Variants in TMC5 observed in about 807,000 individuals in gnomAD.
TMC5 encodes transmembrane channel like 5.
In TMC5, 86 loss-of-function variants were observed where a neutral mutation model predicts 110.5. That is an observed-to-expected ratio of 0.78 (90% confidence interval 0.65 to 0.93). TMC5 has a LOEUF of 0.93. TMC5 is among the 40% of genes least tolerant of loss of function. The probability of loss-of-function intolerance (pLI) is 0.00; values close to 1 mark genes in which losing one functional copy is unlikely to be tolerated. For missense variants in TMC5, 1,144 were observed against 1,222.8 expected (o/e 0.94, Z 0.96); for synonymous variants, 455 against 439.5 (o/e 1.04, Z -0.44).
intron 14 of TMC5, among the ~76,000 whole-genome samples, chr16:19,480,640 A>C (rs11864289): frequency 0.15 from 22,817 of 151,896 alleles, 2,477 homozygotes; most frequent in East Asian, 0.37. Context: ...CCCTGTCTCT[A>C]CTAAAAATAC....
chr16:19,418,423 A>C (rs1966904759), intron 1 of TMC5, among the ~76,000 whole-genome samples: 1 of 152,148 alleles, frequency 6.6e-6, no homozygotes, highest in Admixed American at 6.5e-5. Context: ...GTAGTATGCC[A>C]AAAGCTCCCA....
Position 19,492,200 on chromosome 16 carries a change from T to A in TMC5, c.2798T>A (p.Ile933Lys), listed in dbSNP as rs376968471. ...WQITEGRKIM[I>K]RLLHEQIINE... ...ATCACAGAGGGAAGGAAGATTATGA[T>A]AAGGCTGCTCCATGAGCAGATCATT... The change falls in exon 19 of 22, where the codon ATA (isoleucine) becomes AAA (lysine). Residue 933 changes from isoleucine to lysine, a missense_variant. Ile to Lys is a moderately radical substitution (Grantham distance 102). Transcript: ENST00000542583. The A allele has an allele frequency of 6.2e-6, 10 of 1,613,668 alleles. No homozygotes were observed. The African/African-American group carries it at 1.1e-4, about 17-fold the overall frequency.
rs2143364366 is a variant in TMC5, at chr16:19,422,904, A to G, written c.-308+4812A>G. Among the ~76,000 whole-genome samples, 2 of 152,158 alleles carry G rather than the reference A, an allele frequency of 1.3e-5. 1 individual carries two copies. The highest frequency in any genetic ancestry group is 4.2e-4 in the South Asian group (2 of 4,804). On this transcript the variant is annotated intron_variant, in intron 1 of 21. Transcript: ENST00000542583. The stretch of plus-strand genomic sequence containing the variant: ...TGGAGGTTGCAGTGAGCTGAGATTG[A>G]GCCATTGCACTCCAGCCTGGGCCAC...
In TMC5 at chr16:19,463,930, T is replaced by G. The variant is rs759913307; in HGVS notation, c.1391T>G (p.Phe464Cys). The G allele has an allele frequency of 8.1e-6, 13 of 1,614,084 alleles. No homozygotes were observed. In the African/African-American group the frequency reaches 1.5e-4, roughly 18 times the overall value. Residue 464 changes from phenylalanine to cysteine, a missense_variant, in exon 8 of 22, where the codon TTC (phenylalanine) becomes TGC (cysteine). By Grantham distance (205) the Phe-to-Cys change is radical. Transcript: ENST00000542583. ...RWLLKFNIFS[F>C]ILNFSFIIIP... ...CTTTTGAAGTTCAACATTTTCTCAT[T>G]CATCCTGAACTTCAGCTTCATCATA...
chr16:19,471,107 G>A (rs1186984195), intron 10 of TMC5, among the ~76,000 whole-genome samples: 1 of 150,770 alleles, frequency 6.6e-6, no homozygotes, highest in African/African-American at 2.4e-5. Context: ...TATGATTTTC[G>A]AGACAAGGTC....
At chr16:19,463,163 C>T in intron 6 of TMC5, 117 bp from the exon 7 acceptor site, 1 of 760,794 alleles carries the variant, frequency 1.3e-6, no homozygotes, top group Admixed American at 2.0e-5. Flanking sequence ...CTCAGTGATC[C>T]TCTTGCCTCA....
chr16:19,434,292 T>G (rs1283219550), intron 2 of TMC5, among the ~76,000 whole-genome samples: 1 of 121,076 alleles, frequency 8.3e-6, no homozygotes, highest in Non-Finnish European at 1.6e-5. Flanking sequence ...ATATAATATA[T>G]ATTATATGAT....
intron 6 of TMC5, among the ~76,000 whole-genome samples, chr16:19,462,011 C>T (rs1019569257): frequency 6.6e-6 from 1 of 152,130 alleles, no homozygotes; most frequent in African/African-American, 2.4e-5. Context: ...TTGACCATGA[C>T]ATTGGGATGG....
At chr16:19,460,089 T>G (rs1024525747) in intron 5 of TMC5, 146 bp from the exon 6 acceptor site, 1 of 525,284 alleles carries the variant, frequency 1.9e-6, no homozygotes, top group Admixed American at 3.4e-5. Flanking sequence ...ATGTGTTTTT[T>G]TTGTTGTTTT....
chr16:19,449,232 C>T (rs996880464), intron 4 of TMC5, among the ~76,000 whole-genome samples: 1 of 152,054 alleles, frequency 6.6e-6, no homozygotes, highest in African/African-American at 2.4e-5. Context: ...GTAATCCTCC[C>T]ACCATGGCTT....
At chr16:19,451,786 C>T (rs967934369) in intron 5 of TMC5, among the ~76,000 whole-genome samples, 4 of 150,080 alleles carry the variant, frequency 2.7e-5, no homozygotes, top group African/African-American at 1.0e-4. Context: ...TCCAGGCCGC[C>T]GGAACTTTTT....
chr16:19,450,217 C>T (rs1967717582), intron 5 of TMC5, among the ~76,000 whole-genome samples: 1 of 152,164 alleles, frequency 6.6e-6, no homozygotes, highest in African/African-American at 2.4e-5. Flanking sequence ...TTGCAAGTGA[C>T]AGAAACCCAA....
intron 20 of TMC5, among the ~76,000 whole-genome samples, chr16:19,496,887 C>CAAAAAAAAAAAAAAAAAAAAAAA (rs67040638): frequency 1.0e-4 from 8 of 80,244 alleles, no homozygotes; most frequent in African/African-American, 3.1e-4. Context: ...AAGACTCTGT[C>CAAAAAAAAAAAAAAAAAAAAAAA]AAAAAAAAAA....
At chr16:19,410,611 C>G (rs981698513), upstream of TMC5, 1 of 152,308 alleles carries the variant, frequency 6.6e-6, no homozygotes, top group Non-Finnish European at 1.5e-5. Context: ...CGGATGCCAG[C>G]AGGCGTCCCA....
chr16:19,447,278 G>A (rs987894376), intron 4 of TMC5, among the ~76,000 whole-genome samples: 6 of 152,070 alleles, frequency 3.9e-5, no homozygotes, highest in East Asian at 1.9e-4. Context: ...TTCCCATGCC[G>A]TAAGCTGAAA....
intron 10 of TMC5, among the ~76,000 whole-genome samples, chr16:19,471,645 A>G (rs1370258896): frequency 6.6e-6 from 1 of 152,026 alleles, no homozygotes; most frequent in African/African-American, 2.4e-5. Context: ...TCACCTGTGG[A>G]TTTGGGCTGG....
intron 4 of TMC5, among the ~76,000 whole-genome samples, chr16:19,448,693 A>T (rs1237121458): frequency 5.6e-5 from 3 of 53,252 alleles, no homozygotes; most frequent in South Asian, 6.6e-4. Flanking sequence ...ATTTATAGAT[A>T]ATATATATAT....
chr16:19,465,001 G>GTCTTTCTTTCTTTATT (rs1968124509), intron 8 of TMC5, among the ~76,000 whole-genome samples: 1 of 73,674 alleles, frequency 1.4e-5, no homozygotes, highest in African/African-American at 4.2e-5. Context: ...CTTTCCTTTT[G>GTCTTTCTTTCTTTATT]TCTTTCTTTC....
Position 19,440,395 on chromosome 16 carries a change from C to T in TMC5, c.357C>T (p.His119=). Residue 119 remains histidine, a synonymous_variant, in exon 3 of 22, where the codon CAC becomes CAT. Coordinates refer to ENST00000542583, the MANE Select transcript of TMC5 (RefSeq NM_001261841.2). ...DYSEFQSHPY[H]RASSRQPDYP... ...GTGAATTTCAGAGTCATCCCTACCACCGAGCATCATCCAGACAACCAGACT... is the reference window on the plus strand; with the variant it reads ...GTGAATTTCAGAGTCATCCCTACCATCGAGCATCATCCAGACAACCAGACT... The T allele has an allele frequency of 6.2e-7, 1 of 1,614,130 alleles. No individual in the cohort carries two copies. The highest frequency in any genetic ancestry group is 1.7e-5 in the Admixed American group (1 of 60,018).
Sources: allele counts gnomAD v4.1 joint callset (sites outside exome capture counted in the v4.1 genomes callset), GRCh38; gene constraint gnomAD v4.1.1; transcripts MANE v1.5; gene names NCBI Gene and HGNC (gene_info 2026-07-23, HGNC 2026-07-21).